Variants in MGMT observed in about 807,000 individuals in gnomAD.
MGMT encodes the protein methylated-DNA--protein-cysteine methyltransferase.
A neutral mutation model predicts 15.9 loss-of-function variants in MGMT; 14 were observed. That is an observed-to-expected ratio of 0.88 (90% CI 0.58 to 1.37). The LOEUF is 1.37. Ranked by LOEUF, MGMT falls within the 40% of genes most tolerant of loss-of-function variation. The probability of loss-of-function intolerance (pLI) is 0.00; values close to 1 mark genes in which losing one functional copy is unlikely to be tolerated. For missense variants in MGMT, 282 were observed against 268.1 expected (o/e 1.05, Z -0.36); for synonymous variants, 130 against 118.2 (o/e 1.10, Z -0.65).
At position 129,671,545 on chromosome 10, in the gene MGMT, C is replaced by T. The variant is rs369445460; in HGVS notation, c.126-36350C>T. On this transcript the variant is annotated intron_variant, in intron 2 of 4. Transcript: ENST00000651593. ...GTCAAGTGGGAGCAACTGAGACTTC[C>T]GGCCCACAAAACACAATATATTTAC... is the stretch of plus-strand genomic sequence containing the variant. 2.6e-4 allele frequency among the ~76,000 whole-genome samples: 39 copies of T among 152,198 alleles called. 1 individual carries two copies. The East Asian group carries it at 6.6e-3, about 26-fold the overall frequency.
chr10:129,555,553 TA>T (rs200975717), intron 2 of MGMT, among the ~76,000 whole-genome samples: 164 of 145,152 alleles, frequency 1.1e-3, no homozygotes, highest in Non-Finnish European at 1.2e-3. Flanking sequence ...CAAAAAAACT[TA>T]AAAAAAAAAA....
chr10:129,681,342 C>T (rs1357474790), intron 2 of MGMT, among the ~76,000 whole-genome samples: 1 of 152,172 alleles, frequency 6.6e-6, no homozygotes, highest in African/African-American at 2.4e-5. Flanking sequence ...CTCAGCAGCA[C>T]GCCATGTTTC....
intron 1 of MGMT, among the ~76,000 whole-genome samples, chr10:129,508,565 G>A (rs1272183232): frequency 6.9e-6 from 1 of 145,576 alleles, no homozygotes; most frequent in African/African-American, 2.6e-5. Flanking sequence ...TTTCTTTTGA[G>A]ATGGAGTTTT....
chr10:129,601,377 C>T (rs1846820013), intron 2 of MGMT, among the ~76,000 whole-genome samples: 1 of 152,156 alleles, frequency 6.6e-6, no homozygotes, highest in South Asian at 2.1e-4. Flanking sequence ...TCTGTTTAAT[C>T]AGAGTTTCCT....
At chr10:129,690,964 T>A (rs1589939183) in intron 2 of MGMT, among the ~76,000 whole-genome samples, 1 of 152,154 alleles carries the variant, frequency 6.6e-6, no homozygotes, top group Non-Finnish European at 1.5e-5. Context: ...TTTTGGCAGG[T>A]TCTCTGGATG....
intron 2 of MGMT, among the ~76,000 whole-genome samples, chr10:129,633,986 TTTC>T (rs1162691170): frequency 6.6e-6 from 1 of 152,226 alleles, no homozygotes; most frequent in African/African-American, 2.4e-5. Flanking sequence ...CTGGCATCAT[TTTC>T]TTCTTCCTGA....
At chr10:129,686,624 A>C (rs957836320) in intron 2 of MGMT, among the ~76,000 whole-genome samples, 2 of 152,052 alleles carry the variant, frequency 1.3e-5, no homozygotes, top group Non-Finnish European at 2.9e-5. Flanking sequence ...GGGCCTCCCA[A>C]AGTGCTGGGA....
At chr10:129,707,812 T>G in intron 2 of MGMT, 83 bp from the exon 3 acceptor site, 1 of 1,574,164 alleles carries the variant, frequency 6.4e-7, no homozygotes, top group Non-Finnish European at 8.6e-7. Flanking sequence ...TGTTTGCCCG[T>G]TTAGATGCAG....
intron 2 of MGMT, among the ~76,000 whole-genome samples, chr10:129,640,924 C>T (rs11016852): frequency 0.042 from 6,423 of 152,250 alleles, 434 homozygotes; most frequent in African/African-American, 0.14. Flanking sequence ...TTATTGCTGA[C>T]ATAATTCCTA....
intron 3 of MGMT, among the ~76,000 whole-genome samples, chr10:129,736,555 A>G (rs1848564469): frequency 6.7e-6 from 1 of 149,626 alleles, no homozygotes; most frequent in Non-Finnish European, 1.5e-5. Flanking sequence ...CATTTAGTCC[A>G]TTTACATTTA....
At chr10:129,511,814 G>A (rs745685372) in intron 1 of MGMT, among the ~76,000 whole-genome samples, 22 of 152,156 alleles carry the variant, frequency 1.4e-4, no homozygotes, top group Non-Finnish European at 2.4e-4. Flanking sequence ...GTGGCGTCTG[G>A]GCTGGCAGCA....
chr10:129,646,743 TATATA>T lies in MGMT; in HGVS notation c.126-61151_126-61147del, dbSNP rs1427609464. The stretch of plus-strand genomic sequence containing the variant: ...AAATATATATATATATATATATATA[TATATA>T]TATATATTTTCAGGGAATGGTAGAG... On this transcript the variant is annotated intron_variant, in intron 2 of 4. Transcript: ENST00000651593. Among the ~76,000 whole-genome samples the T allele has an allele frequency of 4.9e-3, 514 of 105,666 alleles. 35 individuals carry two copies. The Middle Eastern group carries it at 0.055, about 11-fold the overall frequency. 69.3% of individuals were successfully genotyped at this position (105,666 alleles called of 152,430 possible).
rs954700671 is a variant in MGMT at position 129,729,753 on chromosome 10, G to A, written c.274+21710G>A. ...AGAATAATTCATTAAGAAATTTAGG[G>A]CCCAGCTCCTTTCCGTTGGGTTGGT... On this transcript the variant is annotated intron_variant, in intron 3 of 4. Coordinates refer to ENST00000651593, the MANE Select transcript of MGMT (RefSeq NM_002412.5). Among the ~76,000 whole-genome samples the A allele has an allele frequency of 4.6e-5, 7 of 152,166 alleles. No homozygotes were observed. The South Asian group carries it at 1.4e-3, about 32-fold the overall frequency.
chr10:129,722,110 A>G (rs1215339204), intron 3 of MGMT, among the ~76,000 whole-genome samples: 1 of 152,168 alleles, frequency 6.6e-6, no homozygotes, highest in Non-Finnish European at 1.5e-5. Context: ...TATAAGTAAA[A>G]TTGTATTTAT....
chr10:129,487,626 C>T (rs1054729130), intron 1 of MGMT, among the ~76,000 whole-genome samples: 3 of 151,738 alleles, frequency 2.0e-5, no homozygotes, highest in African/African-American at 7.3e-5. Context: ...AATGCCTGTT[C>T]ATATCCTTTC....
chr10:129,471,944 A>T (rs945234392), intron 1 of MGMT, among the ~76,000 whole-genome samples: 1 of 152,160 alleles, frequency 6.6e-6, no homozygotes, highest in Non-Finnish European at 1.5e-5. Flanking sequence ...CAAACCCAAC[A>T]TGTTATTATT....
At chr10:129,745,712 T>C (rs1848687192) in intron 3 of MGMT, among the ~76,000 whole-genome samples, 1 of 152,240 alleles carries the variant, frequency 6.6e-6, no homozygotes, top group South Asian at 2.1e-4. Context: ...TGGCCAGTTA[T>C]GTTGAACATC....
At chr10:129,611,324 C>G (rs1305526703) in intron 2 of MGMT, among the ~76,000 whole-genome samples, 2 of 152,208 alleles carry the variant, frequency 1.3e-5, no homozygotes, top group Admixed American at 6.5e-5. Flanking sequence ...GAAGCAAACA[C>G]ATCCTCATGG....
At chr10:129,592,010 C>T (rs973299450) in intron 2 of MGMT, among the ~76,000 whole-genome samples, 1 of 152,170 alleles carries the variant, frequency 6.6e-6, no homozygotes, top group African/African-American at 2.4e-5. Context: ...GACCCTGGAG[C>T]ACCTCTCTTT....
Sources: gnomAD v4.1 joint callset for allele counts (sites outside exome capture counted in the v4.1 genomes callset) on GRCh38, gnomAD v4.1.1 for gene constraint, MANE v1.5 for transcripts, NCBI Gene and HGNC (gene_info 2026-07-23, HGNC 2026-07-21) for gene names.